Variants in RAB5C observed in about 807,000 individuals in gnomAD.
RAB5C encodes RAB5C, member RAS oncogene family.
A neutral mutation model predicts 25.2 loss-of-function variants in RAB5C; 4 were observed. The ratio of observed to expected loss-of-function variants is 0.16; its 90% confidence interval spans 0.08 to 0.36. RAB5C has a LOEUF of 0.36. Ranked by LOEUF, RAB5C falls within the 10% of genes least tolerant of loss-of-function variation. The pLI, the probability that RAB5C is intolerant of heterozygous loss-of-function variation, is 1.00. For missense variants in RAB5C, 199 were observed against 283.8 expected (o/e 0.70, Z 2.15); for synonymous variants, 100 against 106.4 (o/e 0.94, Z 0.37).
In RAB5C at chr17:42,131,674, G is replaced by A. The variant is rs942575756; in HGVS notation, c.-88-1084C>T. 103 of 1,472,366 alleles carry A rather than the reference G, an allele frequency of 7.0e-5. 1 individual carries two copies. The highest frequency in any genetic ancestry group is 9.1e-5 in the Non-Finnish European group (99 of 1,089,858). The allele number at this position is 1,472,366 out of a possible 1,614,324, so 91.2% of individuals were successfully genotyped here. A position where few individuals can be genotyped will look rare whatever the true frequency, so the allele number is the denominator to read the frequency against. The stretch of plus-strand genomic sequence containing the variant: ...AAAGAAGAGGCAGGAGGTGTGGGAG[G>A]GCAGAGACCAAGTCCTGCATCCCCA... On this transcript the variant is annotated intron_variant, in intron 1 of 5. Coordinates refer to ENST00000346213, the MANE Select transcript of RAB5C (RefSeq NM_004583.4).
At chr17:42,152,109 T>G (rs946921181) in intron 1 of RAB5C, among the ~76,000 whole-genome samples, 1 of 151,578 alleles carries the variant, frequency 6.6e-6, no homozygotes, top group Non-Finnish European at 1.5e-5. Flanking sequence ...CAGGGACACT[T>G]GCCTTATCTT....
chr17:42,131,709 G>T, intron 1 of RAB5C: 1 of 1,175,890 alleles, frequency 8.5e-7, no homozygotes, highest in Non-Finnish European at 1.2e-6. Flanking sequence ...AACAGCTGGT[G>T]TTCCAGTCCC....
At chr17:42,154,231 A>G (rs980493731) in intron 1 of RAB5C, among the ~76,000 whole-genome samples, 11 of 152,208 alleles carry the variant, frequency 7.2e-5, no homozygotes, top group African/African-American at 2.2e-4. Flanking sequence ...AATTCTTCAG[A>G]GGCAGAAAGA....
At chr17:42,125,931 G>GGGTACCCCAATAACTCTC (rs1422979644) in intron 5 of RAB5C, 33 bp from the exon 6 acceptor site, 2 of 1,513,018 alleles carry the variant, frequency 1.3e-6, no homozygotes, top group African/African-American at 2.7e-5. Flanking sequence ...CATTTGTTGG[G>GGGTACCCCAATAACTCTC]GGTACCCCAA....
chr17:42,145,137 C>A (rs574411806), intron 1 of RAB5C, among the ~76,000 whole-genome samples: 1 of 151,892 alleles, frequency 6.6e-6, no homozygotes, highest in Admixed American at 6.6e-5. Flanking sequence ...TGCGCCACTG[C>A]ACTCCAGCCT....
Position 42,131,876 on chromosome 17 carries a change from C to T in RAB5C, c.-88-1286G>A, listed in dbSNP as rs2054490051. The T allele has an allele frequency of 1.9e-5, 8 of 428,296 alleles. No individual in the cohort carries two copies. The East Asian group carries it at 3.5e-4, about 19-fold the overall frequency. The allele number at this position is 428,296 out of a possible 1,614,324, so 26.5% of individuals were successfully genotyped here. ...GACATATACATCTGATGTCAACAGACATCAGAATATATACAGAATGTTTTA... is the reference window on the plus strand; with the variant it reads ...GACATATACATCTGATGTCAACAGATATCAGAATATATACAGAATGTTTTA... On this transcript the variant is annotated intron_variant, in intron 1 of 5. Coordinates refer to ENST00000346213, the MANE Select transcript of RAB5C (RefSeq NM_004583.4).
chr17:42,153,982 T>G (rs1438129563), intron 1 of RAB5C, among the ~76,000 whole-genome samples: 1 of 151,926 alleles, frequency 6.6e-6, no homozygotes, highest in Non-Finnish European at 1.5e-5. Context: ...TGTTTGGGAG[T>G]GGGAAAGAGA....
chr17:42,126,143 G>C (rs942695869), intron 5 of RAB5C, among the ~76,000 whole-genome samples: 1 of 152,144 alleles, frequency 6.6e-6, no homozygotes, highest in African/African-American at 2.4e-5. Context: ...GAAGATTCCA[G>C]AGCCAAATGA....
chr17:42,148,620 A>G (rs1568025635), intron 1 of RAB5C, among the ~76,000 whole-genome samples: 1 of 152,192 alleles, frequency 6.6e-6, no homozygotes, highest in Non-Finnish European at 1.5e-5. Context: ...GAACAATGAG[A>G]TAGCAGTTGA....
At chr17:42,152,528 T>C (rs573548171) in intron 1 of RAB5C, among the ~76,000 whole-genome samples, 22 of 152,174 alleles carry the variant, frequency 1.4e-4, no homozygotes, top group African/African-American at 5.3e-4. Context: ...CCTGTAATCC[T>C]AGCACTTTGG....
chr17:42,132,136 G>T (rs750431894), intron 1 of RAB5C, among the ~76,000 whole-genome samples: 14 of 152,198 alleles, frequency 9.2e-5, no homozygotes, highest in Non-Finnish European at 2.1e-4. Flanking sequence ...CATGCAAGAA[G>T]CTGACAGCAA....
At position 42,125,878 on chromosome 17, in the gene RAB5C, C is replaced by G; in HGVS notation, c.556G>C (p.Glu186Gln). ...MAIAKKLPKN[E>Q]PQNATGAPGR... ...GGAGCACCAGTTGCATTCTGGGGCTCGTTCTTGGGAAGCTTCTTAGCTGTT... is the reference window on the plus strand; with the variant it reads ...GGAGCACCAGTTGCATTCTGGGGCTGGTTCTTGGGAAGCTTCTTAGCTGTT... Residue 186 changes from glutamate to glutamine, a missense_variant, in exon 6 of 6, where the codon GAG becomes CAG. Transcript: ENST00000346213. The G allele has an allele frequency of 6.2e-7, 1 of 1,610,598 alleles. No homozygotes were observed. The highest frequency in any genetic ancestry group is 8.5e-7 in the Non-Finnish European group (1 of 1,178,634).
chr17:42,145,325 G>C (rs116047874), intron 1 of RAB5C, among the ~76,000 whole-genome samples: 4 of 152,186 alleles, frequency 2.6e-5, no homozygotes, highest in East Asian at 1.9e-4. Context: ...AGGGGAAGGG[G>C]AGAACAACTT....
chr17:42,153,614 C>G (rs1352689782), intron 1 of RAB5C, among the ~76,000 whole-genome samples: 1 of 152,136 alleles, frequency 6.6e-6, no homozygotes, highest in African/African-American at 2.4e-5. Flanking sequence ...ACAAACTGCA[C>G]GGCTTTCCGT....
At chr17:42,143,454 T>C (rs539761977) in intron 1 of RAB5C, among the ~76,000 whole-genome samples, 2 of 152,212 alleles carry the variant, frequency 1.3e-5, no homozygotes, top group African/African-American at 4.8e-5. Flanking sequence ...CTGGCCAACA[T>C]GGTGAAACCT....
At chr17:42,131,715 G>C (rs1459436125) in intron 1 of RAB5C, 10 of 1,116,250 alleles carry the variant, frequency 9.0e-6, no homozygotes, top group Non-Finnish European at 1.3e-5. Context: ...TGGTGTTCCA[G>C]TCCCGACATC....
chr17:42,128,875 G>A (rs2054456974), intron 2 of RAB5C, 75 bp from the exon 3 acceptor site: 1 of 1,290,756 alleles, frequency 7.7e-7, no homozygotes, highest in East Asian at 2.8e-5. Context: ...GTTGCTTCTA[G>A]GCTCTGGCAC....
chr17:42,125,582 T>C lies in RAB5C; in HGVS notation c.*201A>G, dbSNP rs183473213. On this transcript the variant is annotated 3_prime_UTR_variant, in exon 6 of 6. Transcript: ENST00000346213. ...TAAAAAAGTGACTTAAGACTTAAAA[T>C]TGAATTAGTATTTGTACAGAAAGGT... is the stretch of plus-strand genomic sequence containing the variant. The C allele has an allele frequency of 3.3e-5, 18 of 538,462 alleles. No individual in the cohort carries two copies. In the Admixed American group the frequency reaches 5.3e-4, roughly 16 times the overall value. 33.4% of individuals were successfully genotyped at this position (538,462 alleles called of 1,614,324 possible).
chr17:42,133,979 C>G (rs1424581041), intron 1 of RAB5C, among the ~76,000 whole-genome samples: 1 of 152,180 alleles, frequency 6.6e-6, no homozygotes. Context: ...CCTGAGCAGG[C>G]ACACCCAGCA....
Sources: gnomAD v4.1 joint callset for allele counts (sites outside exome capture counted in the v4.1 genomes callset) on GRCh38, gnomAD v4.1.1 for gene constraint, MANE v1.5 for transcripts, NCBI Gene and HGNC (gene_info 2026-07-23, HGNC 2026-07-21) for gene names.